Variants in CHRNB1 observed in about 807,000 individuals in gnomAD.
CHRNB1 encodes the protein cholinergic receptor nicotinic beta 1 subunit, also known as acetylcholine receptor subunit beta.
Under a neutral mutation model 53.8 loss-of-function variants are expected in CHRNB1, and 47 were observed. That is an observed-to-expected ratio of 0.87 (90% CI 0.69 to 1.11). The LOEUF (loss-of-function observed/expected upper bound fraction) is 1.11. Among genes scored for constraint, CHRNB1 ranks in the 50% most tolerant of loss-of-function variants. The pLI, the probability that CHRNB1 is intolerant of heterozygous loss-of-function variation, is 0.00. For missense variants in CHRNB1, 605 were observed against 654.9 expected (o/e 0.92, Z 0.83); for synonymous variants, 259 against 263.5 (o/e 0.98, Z 0.16).
At position 7,456,798 on chromosome 17, in the gene CHRNB1, C is replaced by T; in HGVS notation, c.*75C>T. 1 of 1,585,248 alleles carries T rather than the reference C, an allele frequency of 6.3e-7. No homozygotes were observed. The highest frequency in any genetic ancestry group is 1.3e-5 in the African/African-American group (1 of 74,428). Reference sequence around the variant, plus strand: ...GGTGATACTGTCAAGCCCTATCCTTCTCTGCCTCTTAACTCCTTCACGAGG... The same window carrying T: ...GGTGATACTGTCAAGCCCTATCCTTTTCTGCCTCTTAACTCCTTCACGAGG... On this transcript the variant is annotated 3_prime_UTR_variant, in exon 11 of 11. Coordinates refer to ENST00000306071, the MANE Select transcript of CHRNB1 (RefSeq NM_000747.3).
chr17:7,449,411 T>A (rs769982163), intron 7 of CHRNB1, among the ~76,000 whole-genome samples: 11 of 144,894 alleles, frequency 7.6e-5, no homozygotes, highest in East Asian at 2.0e-4. Flanking sequence ...CCTTTTTTTT[T>A]TTTTTTTTTT....
Position 7,445,081 on chromosome 17 carries a change from G to T in CHRNB1, c.-47G>T, listed in dbSNP as rs1253890140. On this transcript the variant is annotated 5_prime_UTR_variant, in exon 1 of 11. Coordinates refer to ENST00000306071, the MANE Select transcript of CHRNB1 (RefSeq NM_000747.3). This position sits in a 1 kb window ranked among gnomAD's most constrained non-coding sequence, Gnocchi z 5.7. Reference sequence around the variant, plus strand: ...TCCTCGTCACTTCCCCTGTGCTGGCGGTCCCAGCGGCTCTCTGAGCGAAGT... The same window carrying T: ...TCCTCGTCACTTCCCCTGTGCTGGCTGTCCCAGCGGCTCTCTGAGCGAAGT... The T allele has an allele frequency of 5.7e-6, 9 of 1,587,270 alleles. No individual in the cohort carries two copies. Among genetic ancestry groups the T allele is most frequent in the South Asian group, 1.1e-5 (1 of 88,504 alleles).
At chr17:7,447,349 C>T (rs997917793) in intron 5 of CHRNB1, 154 bp from the exon 6 acceptor site, 26 of 968,688 alleles carry the variant, frequency 2.7e-5, no homozygotes, top group South Asian at 1.1e-4. Flanking sequence ...ACTCAGTGAC[C>T]GCCCTCCCCA....
chr17:7,447,345 T>C, intron 5 of CHRNB1, 158 bp from the exon 6 acceptor site: 1 of 958,300 alleles, frequency 1.0e-6, no homozygotes, highest in Non-Finnish European at 1.6e-6. Context: ...TCTTACTCAG[T>C]GACCGCCCTC....
chr17:7,445,266 C>T lies in CHRNB1; in HGVS notation c.59-4C>T. 6.2e-7 allele frequency: 1 copy of T among 1,612,898 alleles called. No individual in the cohort carries two copies. Among genetic ancestry groups the T allele is most frequent in the Non-Finnish European group, 8.5e-7 (1 of 1,179,766 alleles). On this transcript the variant is annotated splice_region_variant and splice_polypyrimidine_tract_variant and intron_variant, in intron 1 of 10. Coordinates refer to ENST00000306071, the MANE Select transcript of CHRNB1 (RefSeq NM_000747.3). This position sits in a 1 kb window ranked among gnomAD's most constrained non-coding sequence, Gnocchi z 5.7. ...AGGGCTGCACTTATTCTCTCCTCCCCCAGGCGTCCGCGGCTCGGAGGCGGA... is the reference window on the plus strand; with the variant it reads ...AGGGCTGCACTTATTCTCTCCTCCCTCAGGCGTCCGCGGCTCGGAGGCGGA...
chr17:7,456,537 G>C, intron 10 of CHRNB1, 46 bp from the exon 11 acceptor site: 2 of 1,613,274 alleles, frequency 1.2e-6, no homozygotes, highest in Non-Finnish European at 1.7e-6. Flanking sequence ...GGTTTCCCTG[G>C]GGGTCTGGGC....
intron 6 of CHRNB1, among the ~76,000 whole-genome samples, 167 bp downstream of exon 6, chr17:7,447,817 C>T (rs1220280747): frequency 1.3e-5 from 2 of 152,076 alleles, no homozygotes; most frequent in Non-Finnish European, 1.5e-5. Context: ...GTGGTTCATG[C>T]CTGCAATCCC....
intron 7 of CHRNB1, 125 bp downstream of exon 7, chr17:7,448,913 C>A: frequency 1.0e-6 from 1 of 979,976 alleles, no homozygotes; most frequent in East Asian, 2.5e-5. Flanking sequence ...CAATCCCGCC[C>A]AGGCTCTGCC....
At chr17:7,448,530 AC>A (rs767534364) in intron 6 of CHRNB1, 48 bp from the exon 7 acceptor site, 44 of 1,586,042 alleles carry the variant, frequency 2.8e-5, no homozygotes, top group Admixed American at 8.4e-5. Context: ...CCTGGCACTA[AC>A]CAGGACAGCT....
intron 7 of CHRNB1, among the ~76,000 whole-genome samples, chr17:7,453,365 T>C (rs532833455): frequency 8.5e-5 from 13 of 152,118 alleles, no homozygotes; most frequent in Non-Finnish European, 1.8e-4. Flanking sequence ...GTGATTCGCC[T>C]GCCTCGGCCT....
chr17:7,445,952 G>A lies in CHRNB1; in HGVS notation c.199-117G>A. On this transcript the variant is annotated intron_variant, in intron 2 of 10. Coordinates refer to ENST00000306071, the MANE Select transcript of CHRNB1 (RefSeq NM_000747.3). The surrounding 1 kb of genome is among the most constrained non-coding windows in gnomAD (Gnocchi z 5.7). ...GCTTCTGGGAGGTGGACTTGGACCC[G>A]AGAGGATGGGGCTCAGAAAAAGGGG... The A allele has an allele frequency of 1.1e-6, 1 of 904,722 alleles. No individual in the cohort carries two copies. The highest frequency in any genetic ancestry group is 1.8e-5 in the Admixed American group (1 of 55,170). The allele number at this position is 904,722 out of a possible 1,614,324, so 56.0% of individuals were successfully genotyped here.
intron 3 of CHRNB1, chr17:7,446,505 T>TG: frequency 3.9e-6 from 2 of 516,842 alleles, no homozygotes; most frequent in Non-Finnish European, 7.0e-6. Flanking sequence ...TTCTAATTTT[T>TG]GAAACACTGG....
In CHRNB1 at chr17:7,447,568, C is replaced by T; in HGVS notation, c.528C>T (p.Ser176=). 6.2e-7 allele frequency: 1 copy of T among 1,614,206 alleles called. No individual in the cohort carries two copies. The highest frequency in any genetic ancestry group is 8.5e-7 in the Non-Finnish European group (1 of 1,180,044). Residue 176 remains serine (S), a synonymous_variant, in exon 6 of 11, where the codon AGC becomes AGT. Transcript: ENST00000306071. ...TMVFSSYSYD[S]SEVSLQTGLG... is the part of the protein sequence containing the mutation. ...TGTTCAGCTCCTACAGCTACGACAG[C>T]TCGGAGGTCAGCCTGCAGACAGGCC... is the stretch of plus-strand genomic sequence containing the variant.
At chr17:7,446,325 G>C (rs1025037818) in intron 3 of CHRNB1, 2 of 131,136 alleles carry the variant, frequency 1.5e-5, no homozygotes, top group East Asian at 8.9e-5. Context: ...GTGTGTGTGT[G>C]TCTGTGTGTG....
intron 3 of CHRNB1, 37 bp from the exon 4 acceptor site, chr17:7,446,796 C>T (rs1908651657): frequency 1.9e-6 from 3 of 1,564,862 alleles, no homozygotes; most frequent in Non-Finnish European, 2.6e-6. Context: ...CTCCCGGCCT[C>T]CAACCCGGGG....
intron 9 of CHRNB1, 53 bp from the exon 10 acceptor site, chr17:7,455,741 C>G (rs997036451): frequency 1.2e-6 from 2 of 1,612,754 alleles, no homozygotes; most frequent in Non-Finnish European, 1.7e-6. Flanking sequence ...GGGCCTGGGT[C>G]GCCGGCACTG....
rs565914489 is a variant in CHRNB1, at chr17:7,449,764, A to C, written c.820+976A>C. Among the ~76,000 whole-genome samples, 8 of 147,620 alleles carry C rather than the reference A, an allele frequency of 5.4e-5. No homozygotes were observed. The South Asian group carries it at 1.4e-3, about 26-fold the overall frequency. ...TGGGAAATATATAATAGTAATAGCC[A>C]CCGGGCGCGGTGGCTCACGCCTGTA... On this transcript the variant is annotated intron_variant, in intron 7 of 10. Transcript: ENST00000306071.
rs574914826 is a variant in CHRNB1, at chr17:7,457,199, C to G, written c.*476C>G. On this transcript the variant is annotated 3_prime_UTR_variant, in exon 11 of 11. Transcript: ENST00000306071. ...AGGTGTGGTGGTACATGCCTGTAAT[C>G]CCAGCTACTAGGGAGGCTGAGGCAG... 5.8e-6 allele frequency: 1 copy of G among 173,504 alleles called. No homozygotes were observed. Among genetic ancestry groups the G allele is most frequent in the African/African-American group, 2.4e-5 (1 of 42,042 alleles). The allele number at this position is 173,504 out of a possible 1,614,324, so 10.7% of individuals were successfully genotyped here. A position where few individuals can be genotyped will look rare whatever the true frequency, so the allele number is the denominator to read the frequency against.
rs1555552580 is a variant in CHRNB1, at chr17:7,456,037, G to GTTTTTTTTTGGC, written c.1365+106_1365+117dup. ...CACTCGCTTTCGTTTTTTTTGTGTG[G>GTTTTTTTTTGGC]TTTTTTTTTGGCTTTTTTTTTTTTT... On this transcript the variant is annotated intron_variant, in intron 10 of 10. Coordinates refer to ENST00000306071, the MANE Select transcript of CHRNB1 (RefSeq NM_000747.3). 5.4e-5 allele frequency: 42 copies of GTTTTTTTTTGGC among 776,032 alleles called. No individual in the cohort carries two copies. In the East Asian group the frequency reaches 1.0e-3, roughly 19 times the overall value. The allele number at this position is 776,032 out of a possible 1,614,324, so 48.1% of individuals were successfully genotyped here.
Sources: allele counts gnomAD v4.1 joint callset (sites outside exome capture counted in the v4.1 genomes callset), GRCh38; gene constraint gnomAD v4.1.1; non-coding constraint Gnocchi (gnomAD v3.1); transcripts MANE v1.5; gene names NCBI Gene and HGNC (gene_info 2026-07-23, HGNC 2026-07-21).